GRIA4: variants seen among roughly 807,000 people sequenced by gnomAD.
The protein encoded by GRIA4 is glutamate ionotropic receptor AMPA type subunit 4, also known as glutamate receptor 4.
A neutral mutation model predicts 104.0 loss-of-function variants in GRIA4; 34 were observed. The observed-to-expected ratio is 0.33, with a 90% CI of 0.25 to 0.44. The LOEUF (loss-of-function observed/expected upper bound fraction) is 0.44. Among genes scored for constraint, GRIA4 ranks in the 20% least tolerant of loss-of-function variants. The pLI is 1.00. For synonymous variants in GRIA4, 386 were observed against 381.9 expected (o/e 1.01, Z -0.13); for missense variants, 750 against 1,096.5 (o/e 0.68, Z 4.46).
intron 4 of GRIA4, among the ~76,000 whole-genome samples, chr11:105,858,804 T>C (rs949347870): frequency 1.3e-5 from 2 of 152,154 alleles, no homozygotes; most frequent in Non-Finnish European, 2.9e-5. Flanking sequence ...CAAAATGTCA[T>C]CCAGTTCCCA....
rs188649627 is a variant in GRIA4, at chr11:105,884,118, T to C, written c.673-3401T>C. Among the ~76,000 whole-genome samples, 25 of 152,368 alleles carry C rather than the reference T, an allele frequency of 1.6e-4. No individual in the cohort carries two copies. In the East Asian group the frequency reaches 3.9e-3, roughly 23 times the overall value. On this transcript the variant is annotated intron_variant, in intron 5 of 16. Coordinates refer to ENST00000282499, the MANE Select transcript of GRIA4 (RefSeq NM_000829.4). ...CAGATTGTCTTCCCCTACATTTTTC[T>C]GTCTTTAGGAAAGGCCATAATTAAT...
intron 14 of GRIA4, among the ~76,000 whole-genome samples, chr11:105,970,758 A>C (rs1858644114): frequency 6.6e-6 from 1 of 152,232 alleles, no homozygotes; most frequent in African/African-American, 2.4e-5. Context: ...GTCCAGAAGA[A>C]TATGAAAAGT....
At chr11:105,760,319 C>T (rs914779415) in intron 4 of GRIA4, among the ~76,000 whole-genome samples, 2 of 152,084 alleles carry the variant, frequency 1.3e-5, no homozygotes, top group Non-Finnish European at 2.9e-5. Flanking sequence ...GCATTTCCTC[C>T]TCTGCATTCT....
At chr11:105,754,428 G>T (rs1940184503) in intron 4 of GRIA4, among the ~76,000 whole-genome samples, 1 of 152,156 alleles carries the variant, frequency 6.6e-6, no homozygotes, top group Admixed American at 6.6e-5. Context: ...AACTCTAAGT[G>T]AGTAATTGAA....
chr11:105,974,542 G>A, intron 16 of GRIA4, 98 bp downstream of exon 16: 2 of 1,613,514 alleles, frequency 1.2e-6, no homozygotes, highest in Non-Finnish European at 1.7e-6. Flanking sequence ...GGAACCGAAA[G>A]TATTAAAATT....
intron 4 of GRIA4, among the ~76,000 whole-genome samples, chr11:105,785,867 T>C (rs943402045): frequency 1.3e-5 from 2 of 151,982 alleles, no homozygotes; most frequent in Admixed American, 1.3e-4. Flanking sequence ...GCTATTAGGC[T>C]GGGGGTGGTG....
intron 3 of GRIA4, among the ~76,000 whole-genome samples, chr11:105,630,425 G>A (rs1565416316): frequency 6.6e-6 from 1 of 152,090 alleles, no homozygotes; most frequent in African/African-American, 2.4e-5. Context: ...TTAGCCAGGC[G>A]TGGTGGCATG....
At chr11:105,735,074 G>C (rs1938847544) in intron 3 of GRIA4, among the ~76,000 whole-genome samples, 1 of 152,108 alleles carries the variant, frequency 6.6e-6, no homozygotes, top group African/African-American at 2.4e-5. Flanking sequence ...GCCCCCAACA[G>C]AGTACCTAAA....
intron 3 of GRIA4, among the ~76,000 whole-genome samples, chr11:105,698,940 G>A (rs953457792): frequency 2.0e-5 from 3 of 152,156 alleles, no homozygotes; most frequent in Non-Finnish European, 4.4e-5. Context: ...TCAGCCCCAA[G>A]TCTTTGCACA....
chr11:105,755,149 G>T (rs1338913249), intron 4 of GRIA4, among the ~76,000 whole-genome samples: 1 of 152,168 alleles, frequency 6.6e-6, no homozygotes, highest in East Asian at 1.9e-4. Context: ...AGAGTAGTAT[G>T]TTTATGCAGG....
chr11:105,965,931 G>C, intron 14 of GRIA4: 1 of 1,521,616 alleles, frequency 6.6e-7, no homozygotes, highest in Middle Eastern at 1.8e-4. Flanking sequence ...TACAAAATAT[G>C]TTTTATCGTT....
At chr11:105,624,780 CT>C (rs1950843740) in intron 3 of GRIA4, among the ~76,000 whole-genome samples, 1 of 152,006 alleles carries the variant, frequency 6.6e-6, no homozygotes, top group African/African-American at 2.4e-5. Flanking sequence ...CAAAATGTTA[CT>C]TTCTTTTCTC....
At chr11:105,972,868 T>C (rs1390812261) in intron 15 of GRIA4, among the ~76,000 whole-genome samples, 2 of 152,172 alleles carry the variant, frequency 1.3e-5, no homozygotes, top group Non-Finnish European at 2.9e-5. Context: ...TTTCTTTCTG[T>C]ATCTTCTTTA....
chr11:105,748,730 G>C (rs1269215166), intron 3 of GRIA4, among the ~76,000 whole-genome samples: 1 of 152,090 alleles, frequency 6.6e-6, no homozygotes, highest in Non-Finnish European at 1.5e-5. Flanking sequence ...AGTCTCAAAG[G>C]CCAACCCAGG....
chr11:105,833,014 C>CT (rs1454202083), intron 4 of GRIA4, among the ~76,000 whole-genome samples: 2 of 151,948 alleles, frequency 1.3e-5, no homozygotes, highest in Non-Finnish European at 2.9e-5. Flanking sequence ...TGTAAATCAT[C>CT]TTTTTTTATA....
In GRIA4 at chr11:105,753,074, A is replaced by G; in HGVS notation, c.341A>G (p.His114Arg). The G allele has an allele frequency of 6.2e-7, 1 of 1,613,848 alleles. No homozygotes were observed. Among genetic ancestry groups the G allele is most frequent in the Non-Finnish European group, 8.5e-7 (1 of 1,179,856 alleles). ...TTGACCTCATTCTGCAGCGCCTTACATATCTCCCTCATCACACCAAGTTTC... is the reference window on the plus strand; with the variant it reads ...TTGACCTCATTCTGCAGCGCCTTACGTATCTCCCTCATCACACCAAGTTTC... ...HTLTSFCSAL[H>R]ISLITPSFPT... The change falls in exon 4 of 17, where the codon CAT (histidine) becomes CGT (arginine). Residue 114 changes from histidine to arginine, a missense_variant. His to Arg is a conservative substitution (Grantham distance 29). Transcript: ENST00000282499.
At chr11:105,838,424 C>T (rs4457719) in intron 4 of GRIA4, among the ~76,000 whole-genome samples, 86,223 of 151,980 alleles carry the variant, frequency 0.57, 25,263 homozygotes, top group African/African-American at 0.74. Context: ...AGAGTTCTGC[C>T]TCTGATCCTG....
chr11:105,729,539 G>A (rs1305968056), intron 3 of GRIA4, among the ~76,000 whole-genome samples: 1 of 152,060 alleles, frequency 6.6e-6, no homozygotes, highest in East Asian at 1.9e-4. Flanking sequence ...ACCAAAACCT[G>A]GCAGAGACAC....
At chr11:105,751,609 C>T (rs916911898) in intron 3 of GRIA4, among the ~76,000 whole-genome samples, 1 of 151,982 alleles carries the variant, frequency 6.6e-6, no homozygotes, top group South Asian at 2.1e-4. Context: ...CTTTATAAAC[C>T]CTAATATAAT....
Sources: allele counts gnomAD v4.1 joint callset (sites outside exome capture counted in the v4.1 genomes callset), GRCh38; gene constraint gnomAD v4.1.1; transcripts MANE v1.5; gene names NCBI Gene and HGNC (gene_info 2026-07-23, HGNC 2026-07-21).